The following DIAPH3 variants were observed in gnomAD, a reference collection of about 807,000 sequenced individuals.
DIAPH3 encodes diaphanous related formin 3, also known as protein diaphanous homolog 3.
DIAPH3 carries 117 observed loss-of-function variants against 144.3 expected under a neutral mutation model. That is an observed-to-expected ratio of 0.81 (90% CI 0.70 to 0.95). The LOEUF (loss-of-function observed/expected upper bound fraction) is 0.95, where lower values mean the gene tolerates loss of function less well. DIAPH3 is among the 40% of genes least tolerant of loss of function. The pLI is 0.00. For missense variants in DIAPH3, 1,421 were observed against 1,412.7 expected (o/e 1.01, Z -0.09); for synonymous variants, 519 against 488.9 (o/e 1.06, Z -0.81).
At chr13:59,950,784 A>G (rs1206780714) in intron 17 of DIAPH3, among the ~76,000 whole-genome samples, 1 of 152,142 alleles carries the variant, frequency 6.6e-6, no homozygotes, top group Non-Finnish European at 1.5e-5. Flanking sequence ...CGATCAGTCA[A>G]GATATGAAGG....
At chr13:59,972,681 G>A (rs906283688) in intron 15 of DIAPH3, among the ~76,000 whole-genome samples, 16 of 152,250 alleles carry the variant, frequency 1.1e-4, no homozygotes, top group African/African-American at 2.4e-4. Context: ...CCTTTTGAAC[G>A]TATTTAATAA....
At chr13:60,149,044 A>G (rs1471285799) in intron 1 of DIAPH3, among the ~76,000 whole-genome samples, 1 of 152,236 alleles carries the variant, frequency 6.6e-6, no homozygotes, top group Non-Finnish European at 1.5e-5. Context: ...AAGGAAGCAG[A>G]GCATGGTATT....
chr13:59,983,667 G>A (rs1271645198), intron 13 of DIAPH3, 102 bp downstream of exon 13: 19 of 751,130 alleles, frequency 2.5e-5, no homozygotes, highest in Non-Finnish European at 3.6e-5. Context: ...GACAATTAGG[G>A]CCCTCAGGAG....
At chr13:59,758,597 G>A (rs1446964797) in intron 27 of DIAPH3, among the ~76,000 whole-genome samples, 1 of 152,072 alleles carries the variant, frequency 6.6e-6, no homozygotes, top group Non-Finnish European at 1.5e-5. Context: ...ACTTAGGATG[G>A]TTTACTTTTC....
At chr13:59,838,847 G>A (rs984287526) in intron 23 of DIAPH3, 17 of 156,322 alleles carry the variant, frequency 1.1e-4, no homozygotes, top group South Asian at 1.9e-4. Flanking sequence ...GGTGGCTCAC[G>A]CCTATAATCC....
At chr13:59,916,527 T>A (rs1413551924) in intron 18 of DIAPH3, among the ~76,000 whole-genome samples, 1 of 152,104 alleles carries the variant, frequency 6.6e-6, no homozygotes, top group Non-Finnish European at 1.5e-5. Context: ...ACCATAGGAA[T>A]GATGTCAATT....
At chr13:59,951,814 A>G (rs73545335) in intron 17 of DIAPH3, among the ~76,000 whole-genome samples, 12,005 of 152,252 alleles carry the variant, frequency 0.079, 1,400 homozygotes, top group African/African-American at 0.26. Context: ...CATTGCTAAT[A>G]GGAATGTAAA....
chr13:60,020,753 CTTGAAAAG>C (rs912133813), intron 5 of DIAPH3, among the ~76,000 whole-genome samples: 18 of 152,204 alleles, frequency 1.2e-4, no homozygotes, highest in African/African-American at 4.1e-4. Flanking sequence ...GTTCTCTGCC[CTTGAAAAG>C]ATCACAGACC....
chr13:59,733,685 C>G (rs1381431587), intron 27 of DIAPH3, among the ~76,000 whole-genome samples: 1 of 152,112 alleles, frequency 6.6e-6, no homozygotes, highest in South Asian at 2.1e-4. Context: ...AAATAGTCAC[C>G]CCCAATCTCT....
chr13:59,828,189 G>C (rs2139687381), intron 24 of DIAPH3, among the ~76,000 whole-genome samples: 1 of 152,004 alleles, frequency 6.6e-6, no homozygotes, highest in Middle Eastern at 3.4e-3. Context: ...AAGTCTTACA[G>C]TAAGTAAAAA....
chr13:59,898,134 C>CAAAAAAAAAAAAAAAAAAAAAAAAAA (rs34238599), intron 20 of DIAPH3, among the ~76,000 whole-genome samples: 14 of 72,198 alleles, frequency 1.9e-4, no homozygotes, highest in South Asian at 6.1e-4. Flanking sequence ...GACTCTGCCT[C>CAAAAAAAAAAAAAAAAAAAAAAAAAA]AAAAAAAAAA....
chr13:60,109,953 A>T (rs1230068720), intron 3 of DIAPH3, among the ~76,000 whole-genome samples: 2 of 152,218 alleles, frequency 1.3e-5, no homozygotes, highest in African/African-American at 4.8e-5. Context: ...CGGGGGGAAA[A>T]GTCTTTAAGT....
intron 21 of DIAPH3, among the ~76,000 whole-genome samples, chr13:59,863,028 T>C (rs1368950628): frequency 6.6e-6 from 1 of 152,104 alleles, no homozygotes; most frequent in Non-Finnish European, 1.5e-5. Flanking sequence ...GTATGTAGAA[T>C]GAATGAAAAG....
At chr13:59,753,670 G>A (rs1258990871) in intron 27 of DIAPH3, among the ~76,000 whole-genome samples, 1 of 152,114 alleles carries the variant, frequency 6.6e-6, no homozygotes, top group Admixed American at 6.5e-5. Context: ...CAGAATAGTT[G>A]TGCCTTCCAT....
chr13:59,802,041 T>G (rs1327348815), intron 25 of DIAPH3, among the ~76,000 whole-genome samples: 1 of 152,146 alleles, frequency 6.6e-6, no homozygotes, highest in African/African-American at 2.4e-5. Flanking sequence ...TAGATTTCCT[T>G]CAACTTTAAG....
At chr13:59,756,155 C>T (rs1422314857) in intron 27 of DIAPH3, among the ~76,000 whole-genome samples, 1 of 152,032 alleles carries the variant, frequency 6.6e-6, no homozygotes, top group African/African-American at 2.4e-5. Flanking sequence ...TTGACAAGAC[C>T]ACAGGTAATT....
intron 9 of DIAPH3, among the ~76,000 whole-genome samples, chr13:60,006,610 T>TA (rs1444342407): frequency 2.7e-5 from 4 of 149,008 alleles, no homozygotes; most frequent in African/African-American, 9.9e-5. Context: ...AGGAAAGACA[T>TA]AAAAAATAGA....
At chr13:59,713,954 G>C (rs2034889508) in intron 27 of DIAPH3, among the ~76,000 whole-genome samples, 1 of 152,244 alleles carries the variant, frequency 6.6e-6, no homozygotes, top group East Asian at 1.9e-4. Context: ...CATGGCTCAT[G>C]CCTGTAATTC....
In DIAPH3 at chr13:60,105,105, A is replaced by AAAAAAAC. The variant is rs1158715228; in HGVS notation, c.390+6904_390+6905insGTTTTTT. Among the ~76,000 whole-genome samples, 125 of 77,256 alleles carry AAAAAAAC rather than the reference A, an allele frequency of 1.6e-3. 10 individuals carry two copies. The highest frequency in any genetic ancestry group is 4.6e-3 in the African/African-American group (97 of 21,100). The allele number at this position is 77,256 out of a possible 152,430, so 50.7% of individuals were successfully genotyped here. A position where few individuals can be genotyped will look rare whatever the true frequency, so the allele number is the denominator to read the frequency against. ...ACAAAGTGAGACACGATCTCAAAAAAAAAAAAAAAAAAAAAAAAAACTGCC... is the reference window on the plus strand; with the variant it reads ...ACAAAGTGAGACACGATCTCAAAAAAAAAAAACAAAAAAAAAAAAAAAAAAAACTGCC... On this transcript the variant is annotated intron_variant, in intron 3 of 27. Coordinates refer to ENST00000400324, the MANE Select transcript of DIAPH3 (RefSeq NM_001042517.2).
Sources: allele counts gnomAD v4.1 joint callset (sites outside exome capture counted in the v4.1 genomes callset), GRCh38; gene constraint gnomAD v4.1.1; transcripts MANE v1.5; gene names NCBI Gene and HGNC (gene_info 2026-07-23, HGNC 2026-07-21).